Variants in CORIN observed in about 807,000 individuals in gnomAD.
The protein encoded by CORIN is corin, serine peptidase.
CORIN carries 117 observed loss-of-function variants against 125.3 expected under a neutral mutation model. That is an observed-to-expected ratio of 0.93 (90% confidence interval 0.80 to 1.09). The LOEUF (loss-of-function observed/expected upper bound fraction) is 1.09, where lower values mean the gene tolerates loss of function less well. Among genes scored for constraint, CORIN ranks in the 50% least tolerant of loss-of-function variants. CORIN has a pLI of 0.00. For synonymous variants in CORIN, 450 were observed against 466.4 expected (o/e 0.96, Z 0.45); for missense variants, 1,253 against 1,306.7 (o/e 0.96, Z 0.63).
At chr4:47,629,265 T>C (rs1276865606) in intron 16 of CORIN, among the ~76,000 whole-genome samples, 8 of 152,192 alleles carry the variant, frequency 5.3e-5, no homozygotes, top group Admixed American at 5.2e-4. Flanking sequence ...TTCATTGTGA[T>C]TTTAATTTGC....
chr4:47,666,425 T>A (rs1724484519), intron 10 of CORIN, among the ~76,000 whole-genome samples: 1 of 152,142 alleles, frequency 6.6e-6, no homozygotes, highest in Non-Finnish European at 1.5e-5. Context: ...TAATGAGAAA[T>A]ATTGTCTCTG....
chr4:47,643,452 A>T (rs1723323429), intron 14 of CORIN, among the ~76,000 whole-genome samples, 196 bp from the exon 15 acceptor site: 1 of 152,252 alleles, frequency 6.6e-6, no homozygotes, highest in Non-Finnish European at 1.5e-5. Flanking sequence ...ACATACAAAG[A>T]GCATTTAAAC....
chr4:47,763,486 C>T lies in CORIN; in HGVS notation c.510G>A (p.Lys170=). 1 of 1,614,124 alleles carries T rather than the reference C, an allele frequency of 6.2e-7. No individual in the cohort carries two copies. Among genetic ancestry groups the T allele is most frequent in the Admixed American group, 1.7e-5 (1 of 60,020 alleles). ...GGAGATATGTGAAAAACTTGAGGAACTTTTCCATTTCCATGTTTCTGACAA... is the reference window on the plus strand; with the variant it reads ...GGAGATATGTGAAAAACTTGAGGAATTTTTCCATTTCCATGTTTCTGACAA... The part of the protein sequence containing the change: ...LSVVRNMEME[K]FLKFFTYLHR... Residue 170 remains lysine (K), a synonymous_variant, in exon 4 of 22, where the codon AAG becomes AAA. Coordinates refer to ENST00000273857, the MANE Select transcript of CORIN (RefSeq NM_006587.4).
chr4:47,595,918 G>A lies in CORIN; in HGVS notation c.2947-15C>T, dbSNP rs774093911. 1.4e-5 allele frequency: 22 copies of A among 1,600,836 alleles called. No homozygotes were observed. The highest frequency in any genetic ancestry group is 5.4e-5 in the African/African-American group (4 of 74,006). ...CCGCTGTCACCCTGCAATAAGTAAC[G>A]ATGGGAGTTAGGAACTGGCATTTCA... On this transcript the variant is annotated splice_polypyrimidine_tract_variant and intron_variant, in intron 21 of 21. Transcript: ENST00000273857.
intron 10 of CORIN, among the ~76,000 whole-genome samples, chr4:47,668,449 A>G (rs1009338113): frequency 6.6e-6 from 1 of 152,214 alleles, no homozygotes; most frequent in African/African-American, 2.4e-5. Flanking sequence ...TACCATTCCT[A>G]TCACCCTTCA....
chr4:47,724,909 C>T (rs1026769130), intron 5 of CORIN, among the ~76,000 whole-genome samples: 2 of 152,114 alleles, frequency 1.3e-5, no homozygotes, highest in Non-Finnish European at 2.9e-5. Context: ...TTCAGTTCAT[C>T]CCCACATTCA....
At chr4:47,837,019 G>A (rs1314420701) in intron 1 of CORIN, among the ~76,000 whole-genome samples, 1 of 152,170 alleles carries the variant, frequency 6.6e-6, no homozygotes, top group East Asian at 1.9e-4. Context: ...TTCTTCCTGG[G>A]GGCTCAGGCC....
intron 2 of CORIN, among the ~76,000 whole-genome samples, chr4:47,802,666 C>T (rs1370163525): frequency 6.6e-6 from 1 of 152,152 alleles, no homozygotes; most frequent in Admixed American, 6.5e-5. Context: ...ATCTCTGGAC[C>T]CACCTGAGGC....
chr4:47,791,308 GC>G (rs1337229963), intron 2 of CORIN, among the ~76,000 whole-genome samples: 1 of 152,186 alleles, frequency 6.6e-6, no homozygotes, highest in African/African-American at 2.4e-5. Flanking sequence ...AATGCAGGAA[GC>G]CCTAGAAGCT....
intron 4 of CORIN, among the ~76,000 whole-genome samples, chr4:47,748,729 TTTAAA>T (rs1728771312): frequency 6.6e-6 from 1 of 152,134 alleles, no homozygotes. Context: ...GGACATAAAG[TTTAAA>T]TTATGAAATA....
At chr4:47,645,449 T>C (rs1425405680) in intron 13 of CORIN, among the ~76,000 whole-genome samples, 1 of 135,982 alleles carries the variant, frequency 7.4e-6, no homozygotes, top group Admixed American at 7.2e-5. Context: ...AGACTTTGTC[T>C]CAAAAAAAAA....
At chr4:47,630,698 C>G (rs1168784198) in intron 16 of CORIN, among the ~76,000 whole-genome samples, 1 of 152,328 alleles carries the variant, frequency 6.6e-6, no homozygotes, top group South Asian at 2.1e-4. Flanking sequence ...CTCTCCTCCT[C>G]TCTTGACAAA....
rs145848258 is a variant in CORIN at position 47,638,497 on chromosome 4, T to C, written c.2198+3423A>G. ...AAACCAATGGGAGGTGATTCAATTATGGGGGCAAGTCTTTCCTGTACTGTC... is the reference window on the plus strand; with the variant it reads ...AAACCAATGGGAGGTGATTCAATTACGGGGGCAAGTCTTTCCTGTACTGTC... On this transcript the variant is annotated intron_variant, in intron 16 of 21. Transcript: ENST00000273857. Among the ~76,000 whole-genome samples, 24 of 152,328 alleles carry C rather than the reference T, an allele frequency of 1.6e-4. 1 individual carries two copies. The East Asian group carries it at 4.4e-3, about 28-fold the overall frequency.
chr4:47,710,043 T>C (rs1382951442), intron 5 of CORIN, among the ~76,000 whole-genome samples: 1 of 152,226 alleles, frequency 6.6e-6, no homozygotes, highest in Non-Finnish European at 1.5e-5. Context: ...TTTGTGTAAG[T>C]CTGAATTTTA....
chr4:47,741,750 A>G (rs559950034), intron 5 of CORIN, among the ~76,000 whole-genome samples: 2 of 152,200 alleles, frequency 1.3e-5, no homozygotes, highest in South Asian at 4.1e-4. Context: ...CTAATAATAC[A>G]TGCTACAGCA....
intron 7 of CORIN, chr4:47,681,096 C>A (rs1217259824): frequency 2.0e-5 from 3 of 152,112 alleles, no homozygotes; most frequent in Non-Finnish European, 4.4e-5. Context: ...AGGTGGTATA[C>A]CCTGAATATA....
At chr4:47,782,542 G>C (rs998016636) in intron 3 of CORIN, among the ~76,000 whole-genome samples, 1 of 152,098 alleles carries the variant, frequency 6.6e-6, no homozygotes, top group Non-Finnish European at 1.5e-5. Flanking sequence ...TCCACTTCTA[G>C]GTATAAACCC....
chr4:47,721,441 G>A (rs773202486), intron 5 of CORIN, among the ~76,000 whole-genome samples: 10 of 152,024 alleles, frequency 6.6e-5, no homozygotes, highest in Non-Finnish European at 1.3e-4. Context: ...GTTAATTTTT[G>A]TATTTTTAGA....
At chr4:47,617,391 G>A (rs916374340) in intron 19 of CORIN, among the ~76,000 whole-genome samples, 10 of 152,176 alleles carry the variant, frequency 6.6e-5, no homozygotes, top group South Asian at 2.1e-4. Context: ...AATTTAAAAC[G>A]AGAGAGCTCC....
Sources: gnomAD v4.1 joint callset for allele counts (sites outside exome capture counted in the v4.1 genomes callset) on GRCh38, gnomAD v4.1.1 for gene constraint, MANE v1.5 for transcripts, NCBI Gene and HGNC (gene_info 2026-07-23, HGNC 2026-07-21) for gene names.